KHDC1: variants seen among roughly 807,000 people sequenced by gnomAD.
The protein encoded by KHDC1 is KH homology domain-containing protein 1.
In KHDC1, 21 loss-of-function variants were observed where a neutral mutation model predicts 24.7. That is an observed-to-expected ratio of 0.85 (90% CI 0.60 to 1.23). The LOEUF is 1.23. KHDC1 is among the 50% of genes most tolerant of loss of function. KHDC1 has a pLI of 0.00. For synonymous variants in KHDC1, 98 were observed against 111.7 expected (o/e 0.88, Z 0.77); for missense variants, 274 against 298.5 (o/e 0.92, Z 0.61).
intron 1 of KHDC1, among the ~76,000 whole-genome samples, chr6:73,298,504 T>C (rs1362497273): frequency 7.1e-6 from 1 of 140,664 alleles, no homozygotes. Flanking sequence ...GTCGCAATCT[T>C]GGCTCACAGC....
chr6:73,244,925 C>G (rs927640562), intron 2 of KHDC1, among the ~76,000 whole-genome samples: 4 of 152,044 alleles, frequency 2.6e-5, no homozygotes, highest in Non-Finnish European at 5.9e-5. Context: ...AAGACCCTGT[C>G]TCTTAAAATA....
chr6:73,285,439 C>A (rs1417780620), intron 2 of KHDC1, among the ~76,000 whole-genome samples: 1 of 151,818 alleles, frequency 6.6e-6, no homozygotes, highest in African/African-American at 2.4e-5. Flanking sequence ...TCAAGCAATT[C>A]TCCTGCCTCA....
At chr6:73,248,779 G>C (rs1766722567) in intron 2 of KHDC1, among the ~76,000 whole-genome samples, 1 of 152,034 alleles carries the variant, frequency 6.6e-6, no homozygotes, top group Non-Finnish European at 1.5e-5. Flanking sequence ...TTCCTTTTAA[G>C]TGCCAACCAT....
At chr6:73,259,638 A>G (rs1008476024) in intron 2 of KHDC1, among the ~76,000 whole-genome samples, 1 of 152,168 alleles carries the variant, frequency 6.6e-6, no homozygotes, top group African/African-American at 2.4e-5. Context: ...ATGCAGCAAG[A>G]AAGTCATCCT....
At chr6:73,307,964 G>A (rs1037241060) in intron 1 of KHDC1, among the ~76,000 whole-genome samples, 3 of 151,848 alleles carry the variant, frequency 2.0e-5, no homozygotes, top group Non-Finnish European at 2.9e-5. Context: ...CAGTAATGGT[G>A]CAATCCCTGC....
intron 2 of KHDC1, among the ~76,000 whole-genome samples, chr6:73,249,527 G>A (rs1426828459): frequency 6.6e-6 from 1 of 152,094 alleles, no homozygotes; most frequent in Non-Finnish European, 1.5e-5. Context: ...ATATTTTAGA[G>A]CAATAAAAAA....
intron 1 of KHDC1, among the ~76,000 whole-genome samples, chr6:73,307,410 C>G (rs892116464): frequency 6.6e-6 from 1 of 152,056 alleles, no homozygotes; most frequent in African/African-American, 2.4e-5. Context: ...GGCGACAGAG[C>G]GAGACCCTGT....
rs537386072 is a variant in KHDC1 at position 73,292,984 on chromosome 6, C to T, written c.164-944G>A. 65 of 942,560 alleles carry T rather than the reference C, an allele frequency of 6.9e-5. 1 individual carries two copies. The highest frequency in any genetic ancestry group is 6.7e-4 in the South Asian group (52 of 77,088). 58.4% of individuals were successfully genotyped at this position (942,560 alleles called of 1,614,324 possible). ...TATTTGAGACTTTCTGTCACATCCA[C>T]CAGTGTATCAGCATTAACATGTTGG... On this transcript the variant is annotated intron_variant, in intron 1 of 4. Transcript: ENST00000370384.
intron 2 of KHDC1, among the ~76,000 whole-genome samples, chr6:73,271,426 C>T (rs920148020): frequency 2.3e-4 from 35 of 150,740 alleles, no homozygotes; most frequent in Non-Finnish European, 4.6e-4. Context: ...CCAGGCTGGT[C>T]TTGAACTCCT....
At chr6:73,291,086 T>A in intron 2 of KHDC1, 6 of 462,548 alleles carry the variant, frequency 1.3e-5, no homozygotes, top group South Asian at 9.7e-5. Context: ...ACTGCTGTAG[T>A]GCAAGTTTAC....
chr6:73,278,013 T>G (rs796870306), intron 2 of KHDC1, among the ~76,000 whole-genome samples: 71 of 134,206 alleles, frequency 5.3e-4, no homozygotes, highest in Middle Eastern at 3.7e-3. Context: ...TCGGGTGTTT[T>G]TTTTTTTTTT....
chr6:73,245,600 C>T (rs919639380), intron 2 of KHDC1, among the ~76,000 whole-genome samples: 1 of 152,180 alleles, frequency 6.6e-6, no homozygotes, highest in Non-Finnish European at 1.5e-5. Flanking sequence ...CATGGAAGTT[C>T]AAGTCTTGGA....
At chr6:73,295,018 G>A (rs1187371730) in intron 1 of KHDC1, among the ~76,000 whole-genome samples, 1 of 151,698 alleles carries the variant, frequency 6.6e-6, no homozygotes, top group East Asian at 1.9e-4. Context: ...ACCAGGTGTG[G>A]TGGCACACAC....
chr6:73,248,506 T>C (rs1038385733), intron 2 of KHDC1, among the ~76,000 whole-genome samples: 1 of 152,138 alleles, frequency 6.6e-6, no homozygotes, highest in Non-Finnish European at 1.5e-5. Flanking sequence ...GAGGAAAGAC[T>C]TAGGGTGAAG....
At chr6:73,294,020 A>AC (rs1767714636) in intron 1 of KHDC1, among the ~76,000 whole-genome samples, 1 of 145,738 alleles carries the variant, frequency 6.9e-6, no homozygotes, top group African/African-American at 2.5e-5. Context: ...AAAAAAAAAC[A>AC]AAAAAAAACC....
At chr6:73,283,667 GTC>G (rs1767458962) in intron 2 of KHDC1, among the ~76,000 whole-genome samples, 1 of 145,684 alleles carries the variant, frequency 6.9e-6, no homozygotes, top group South Asian at 2.2e-4. Flanking sequence ...TGGAGACAGA[GTC>G]TCTCTCTGTC....
At chr6:73,269,651 T>TC (rs35045725) in intron 2 of KHDC1, 4 of 152,240 alleles carry the variant, frequency 2.6e-5, no homozygotes, top group Non-Finnish European at 5.9e-5. Flanking sequence ...TTTTCTTTTT[T>TC]ACATTTAAAT....
chr6:73,295,583 C>T (rs1384233469), intron 1 of KHDC1, among the ~76,000 whole-genome samples: 6 of 152,094 alleles, frequency 3.9e-5, no homozygotes, highest in African/African-American at 1.2e-4. Flanking sequence ...CGGTGGCTCA[C>T]GCCTGTAATC....
intron 2 of KHDC1, 35 bp from the exon 1 acceptor site, chr6:73,263,231 G>T: frequency 1.0e-6 from 1 of 986,870 alleles, no homozygotes; most frequent in Non-Finnish European, 1.2e-6. Flanking sequence ...CGGCTGCGGC[G>T]CGGGAAGCAA....
Sources: gnomAD v4.1 joint callset for allele counts (sites outside exome capture counted in the v4.1 genomes callset) on GRCh38, gnomAD v4.1.1 for gene constraint, MANE v1.5 for transcripts, NCBI Gene and HGNC (gene_info 2026-07-23, HGNC 2026-07-21) for gene names.